The following NOX4 variants were observed in gnomAD, a reference collection of about 807,000 sequenced individuals.
The protein encoded by NOX4 is NADPH oxidase 4, also known as kidney oxidase-1.
In NOX4, 69 loss-of-function variants were observed where a neutral mutation model predicts 87.6. That is an observed-to-expected ratio of 0.79 (90% CI 0.65 to 0.96). The LOEUF is 0.96. NOX4 is among the 40% of genes least tolerant of loss of function. NOX4 has a pLI of 0.00. For missense variants in NOX4, 680 were observed against 681.5 expected (o/e 1.00, Z 0.02); for synonymous variants, 275 against 238.2 (o/e 1.15, Z -1.42).
chr11:89,475,303 G>T (rs569862775), intron 2 of NOX4, among the ~76,000 whole-genome samples: 8 of 151,772 alleles, frequency 5.3e-5, no homozygotes, highest in Non-Finnish European at 1.0e-4. Flanking sequence ...AAAACAATTA[G>T]TAAATATAAA....
the NOX4 span, among the ~76,000 whole-genome samples, chr11:89,514,311 C>T: frequency 6.6e-6 from 1 of 151,782 alleles, no homozygotes. Context: ...ATTGACATTA[C>T]TAGTGTATAG....
At chr11:89,329,837 C>A (rs1161192955) in intron 17 of NOX4, among the ~76,000 whole-genome samples, 1 of 151,616 alleles carries the variant, frequency 6.6e-6, no homozygotes, top group Non-Finnish European at 1.5e-5. Flanking sequence ...ACAAACAAAA[C>A]CTGAAAGAAT....
intron 11 of NOX4, among the ~76,000 whole-genome samples, chr11:89,391,182 TATTA>T (rs1941096619): frequency 6.6e-6 from 1 of 152,150 alleles, no homozygotes; most frequent in Admixed American, 6.6e-5. Context: ...GGAGAACAGA[TATTA>T]ATTAAACAAA....
chr11:89,465,395 TTGGGTTGATTC>T (rs1249546451), intron 2 of NOX4, among the ~76,000 whole-genome samples: 1 of 152,216 alleles, frequency 6.6e-6, no homozygotes, highest in Non-Finnish European at 1.5e-5. Flanking sequence ...TGATGGGCAT[TTGGGTTGATTC>T]CAAGTCTTTG....
At chr11:89,430,001 C>A (rs1216985006) in intron 7 of NOX4, among the ~76,000 whole-genome samples, 1 of 152,148 alleles carries the variant, frequency 6.6e-6, no homozygotes, top group Non-Finnish European at 1.5e-5. Flanking sequence ...AAAAGCTTAT[C>A]CAACATGATG....
the NOX4 span, among the ~76,000 whole-genome samples, chr11:89,537,429 G>C: frequency 6.6e-6 from 1 of 150,786 alleles, no homozygotes; most frequent in Admixed American, 6.6e-5. Flanking sequence ...TATATAATAT[G>C]TATAGTTATA....
At chr11:89,448,235 A>G (rs575152665) in intron 4 of NOX4, among the ~76,000 whole-genome samples, 2 of 152,246 alleles carry the variant, frequency 1.3e-5, no homozygotes, top group East Asian at 1.9e-4. Flanking sequence ...AACAACAACA[A>G]CAGCAAATTG....
chr11:89,579,575 T>A, the NOX4 span, among the ~76,000 whole-genome samples: 3 of 151,830 alleles, frequency 2.0e-5, no homozygotes, highest in Admixed American at 6.6e-5. Context: ...AAAGAGTGAA[T>A]CTACCTGTAA....
chr11:89,440,670 C>T lies in NOX4; in HGVS notation c.475+18G>A. ...GATGTTCCTAAACCTAAAGAAAAGG[C>T]TAAGAATAACAACTTACCAGTTGTG... is the stretch of plus-strand genomic sequence containing the variant. On this transcript the variant is annotated intron_variant, in intron 6 of 17. Coordinates refer to ENST00000263317, the MANE Select transcript of NOX4 (RefSeq NM_016931.5). 1.3e-6 allele frequency: 2 copies of T among 1,527,894 alleles called. No homozygotes were observed. Among genetic ancestry groups the T allele is most frequent in the Non-Finnish European group, 1.8e-6 (2 of 1,121,270 alleles). The allele number at this position is 1,527,894 out of a possible 1,614,324, so 94.6% of individuals were successfully genotyped here. A position where few individuals can be genotyped will look rare whatever the true frequency, so the allele number is the denominator to read the frequency against.
chr11:89,383,900 T>A (rs376019299), intron 11 of NOX4, among the ~76,000 whole-genome samples: 6 of 152,078 alleles, frequency 3.9e-5, no homozygotes, highest in Non-Finnish European at 8.8e-5. Flanking sequence ...TACTCCCTCC[T>A]TGGGGACTGA....
the NOX4 span, among the ~76,000 whole-genome samples, chr11:89,527,569 C>A: frequency 6.6e-6 from 1 of 152,232 alleles, no homozygotes; most frequent in African/African-American, 2.4e-5. Context: ...GAATTGATGC[C>A]CTGTGTCCCA....
intron 6 of NOX4, among the ~76,000 whole-genome samples, chr11:89,438,407 A>G (rs1263350223): frequency 8.9e-6 from 1 of 112,316 alleles, no homozygotes; most frequent in Non-Finnish European, 1.6e-5. Context: ...TATAAATAAT[A>G]TATAATATAT....
At chr11:89,500,255 G>A (rs1291408663), upstream of NOX4, among the ~76,000 whole-genome samples, 1 of 152,096 alleles carries the variant, frequency 6.6e-6, no homozygotes, top group Non-Finnish European at 1.5e-5. Context: ...TGTCAGTTCT[G>A]TCAATTTTTT....
rs374772561 is a variant in NOX4 at position 89,432,899 on chromosome 11, G to A, written c.476-43C>T. The A allele has an allele frequency of 4.9e-5, 65 of 1,329,256 alleles. 1 individual carries two copies. The Middle Eastern group carries it at 1.6e-3, about 33-fold the overall frequency. The allele number at this position is 1,329,256 out of a possible 1,614,324, so 82.3% of individuals were successfully genotyped here. ...AGTAGGTTTTTACTTAAATCATAGT[G>A]AGAAAAAAATACAAAAAATGATTAT... is the stretch of plus-strand genomic sequence containing the variant. On this transcript the variant is annotated intron_variant, in intron 6 of 17. Transcript: ENST00000263317.
intron 4 of NOX4, among the ~76,000 whole-genome samples, chr11:89,447,719 AT>A (rs1377816298): frequency 6.6e-6 from 1 of 152,090 alleles, no homozygotes; most frequent in East Asian, 1.9e-4. Context: ...TTTAGAACAA[AT>A]TGAGTCACGA....
At chr11:89,369,047 T>C (rs1010795936) in intron 12 of NOX4, among the ~76,000 whole-genome samples, 23 of 152,142 alleles carry the variant, frequency 1.5e-4, no homozygotes, top group Non-Finnish European at 2.9e-5. Flanking sequence ...ACCTGTTCTT[T>C]AGTCCTTGTA....
At chr11:89,490,846 A>G (rs1347770674) in intron 1 of NOX4, 3 of 700,574 alleles carry the variant, frequency 4.3e-6, no homozygotes, top group South Asian at 3.0e-5. Context: ...TAATGACATC[A>G]CCATACCCCA....
rs1488361470 is a variant in NOX4 at position 89,462,003 on chromosome 11, G to C, written c.154-10108C>G. On this transcript the variant is annotated intron_variant, in intron 2 of 17. Transcript: ENST00000263317. ...TTCTGCTACTTTTGGGAAGAAAGAA[G>C]AAAAAAAAAAGGAAGAAAGGAAGCA... is the stretch of plus-strand genomic sequence containing the variant. Among the ~76,000 whole-genome samples the C allele has an allele frequency of 1.7e-4, 24 of 137,248 alleles. 1 individual carries two copies. The allele number at this position is 137,248 out of a possible 152,430, so 90.0% of individuals were successfully genotyped here.
the NOX4 span, among the ~76,000 whole-genome samples, chr11:89,518,232 A>G: frequency 2.6e-5 from 4 of 152,166 alleles, no homozygotes; most frequent in Admixed American, 2.0e-4. Context: ...CAAGCATTCA[A>G]TCCAAACAAA....
Sources: gnomAD v4.1 joint callset for allele counts (sites outside exome capture counted in the v4.1 genomes callset) on GRCh38, gnomAD v4.1.1 for gene constraint, MANE v1.5 for transcripts, NCBI Gene and HGNC (gene_info 2026-07-23, HGNC 2026-07-21) for gene names.